DENND5B: variants seen among roughly 807,000 people sequenced by gnomAD.
DENND5B encodes DENN domain-containing protein 5B.
DENND5B carries 34 observed loss-of-function variants against 140.6 expected under a neutral mutation model. The observed-to-expected ratio is 0.24, with a 90% CI of 0.18 to 0.32. DENND5B has a LOEUF of 0.32. Ranked by LOEUF, DENND5B falls within the 10% of genes least tolerant of loss-of-function variation. The pLI is 1.00. For missense variants in DENND5B, 1,142 were observed against 1,560.2 expected (o/e 0.73, Z 4.52); for synonymous variants, 551 against 562.1 (o/e 0.98, Z 0.28).
At chr12:31,548,518 T>A (rs1948938005) in intron 1 of DENND5B, among the ~76,000 whole-genome samples, 1 of 152,172 alleles carries the variant, frequency 6.6e-6, no homozygotes, top group African/African-American at 2.4e-5. Flanking sequence ...CTTGACTACA[T>A]CACAAGACCT....
rs538024926 is a variant in DENND5B at position 31,399,712 on chromosome 12, C to T, written c.3010G>A (p.Ala1004Thr). 3.7e-5 allele frequency: 60 copies of T among 1,614,002 alleles called. No individual in the cohort carries two copies. The East Asian group carries it at 5.6e-4, about 15-fold the overall frequency. ...QIGHDNSGLLAKWLVDCVMVR... is the reference protein window; with the variant it reads ...QIGHDNSGLLTKWLVDCVMVR... ...ATGACACAATCCACTAGCCATTTGG[C>T]TAACAGTCCTGAGTTATCGTGACCA... Residue 1004 changes from alanine (A) to threonine (T), a missense_variant, in exon 16 of 21, where the codon GCC becomes ACC. By Grantham distance (58) the Ala-to-Thr change is moderately conservative (BLOSUM62 0). Around this residue, in one of 5 missense-constraint regions of DENND5B, gnomAD observed 268 missense variants for 349.2 expected, o/e 0.77. Transcript: ENST00000389082.
chr12:31,462,346 CA>C (rs1304170898), intron 3 of DENND5B, among the ~76,000 whole-genome samples: 2 of 81,478 alleles, frequency 2.5e-5, no homozygotes, highest in East Asian at 4.3e-4. Context: ...TCTTTTATCC[CA>C]GGGGCGGGGG....
intron 4 of DENND5B, among the ~76,000 whole-genome samples, chr12:31,458,275 T>C (rs1043393631): frequency 6.6e-6 from 1 of 152,114 alleles, no homozygotes; most frequent in Non-Finnish European, 1.5e-5. Context: ...TTATGAAAAA[T>C]GGAAAGACAA....
intron 1 of DENND5B, among the ~76,000 whole-genome samples, chr12:31,558,961 T>C (rs2139312218): frequency 6.6e-6 from 1 of 152,256 alleles, no homozygotes; most frequent in Non-Finnish European, 1.5e-5. Flanking sequence ...CTTTTTGTAA[T>C]ACGAAAAGAA....
chr12:31,540,891 A>G (rs915944840), intron 1 of DENND5B: 29 of 395,038 alleles, frequency 7.3e-5, no homozygotes, highest in Admixed American at 4.2e-4. Flanking sequence ...GAATGCAGAA[A>G]TAAATCCACA....
intron 1 of DENND5B, among the ~76,000 whole-genome samples, chr12:31,527,661 C>T (rs952771942): frequency 6.6e-6 from 1 of 152,102 alleles, no homozygotes; most frequent in African/African-American, 2.4e-5. Flanking sequence ...ACCTGTAATC[C>T]CAGCTACTCG....
intron 15 of DENND5B, among the ~76,000 whole-genome samples, chr12:31,401,123 G>A (rs1296016815): frequency 2.0e-5 from 3 of 152,090 alleles, no homozygotes; most frequent in Admixed American, 1.3e-4. Flanking sequence ...GATTACAGGC[G>A]TGAGCCACTG....
intron 1 of DENND5B, among the ~76,000 whole-genome samples, chr12:31,563,840 G>GT (rs1338202676): frequency 6.6e-6 from 1 of 152,206 alleles, no homozygotes; most frequent in Non-Finnish European, 1.5e-5. Flanking sequence ...AAGTGGGCCG[G>GT]TTGTGGTGGC....
Position 31,479,943 on chromosome 12 carries a change from C to G in DENND5B, c.550G>C (p.Asp184His). Residue 184 changes from aspartate to histidine, a missense_variant, in exon 3 of 21, where the codon GAC (aspartate) becomes CAC (histidine). Asp to His is a moderately conservative substitution (Grantham distance 81). Transcript: ENST00000389082. ...QRYNSYDISR[D>H]TLYVSKSICL... The stretch of plus-strand genomic sequence containing the variant: ...ATACTTTTTGAAACATACAGGGTGT[C>G]TCTGCTAATATCATAGGAGTTGTAT... The G allele has an allele frequency of 6.2e-7, 1 of 1,613,978 alleles. No homozygotes were observed. The highest frequency in any genetic ancestry group is 8.5e-7 in the Non-Finnish European group (1 of 1,179,880).
chr12:31,586,647 G>A (rs1201434299), intron 1 of DENND5B, among the ~76,000 whole-genome samples: 1 of 152,082 alleles, frequency 6.6e-6, no homozygotes, highest in African/African-American at 2.4e-5. Flanking sequence ...TTATTATAAG[G>A]TCTTAGTCTA....
intron 5 of DENND5B, among the ~76,000 whole-genome samples, chr12:31,451,420 T>C (rs977373475): frequency 3.3e-5 from 5 of 151,784 alleles, no homozygotes; most frequent in Admixed American, 2.6e-4. Context: ...GCCTCCCGGG[T>C]TCAAGCGATT....
chr12:31,389,305 T>TA lies in DENND5B; in HGVS notation c.3641+18dup, dbSNP rs901112447. The stretch of plus-strand genomic sequence containing the variant: ...CAACATGTGACAAAGATAGGGAAAA[T>TA]AAAAAACTGGTTTTGTACCTTGTTC... On this transcript the variant is annotated intron_variant, in intron 20 of 20. Coordinates refer to ENST00000389082, the MANE Select transcript of DENND5B (RefSeq NM_144973.4). 6.2e-7 allele frequency: 1 copy of TA among 1,601,732 alleles called. No homozygotes were observed.
At chr12:31,470,644 G>A (rs950307717) in intron 3 of DENND5B, among the ~76,000 whole-genome samples, 15 of 152,246 alleles carry the variant, frequency 9.9e-5, no homozygotes, top group African/African-American at 3.6e-4. Context: ...GCTGGCATCA[G>A]AAGTGAGGAC....
At chr12:31,541,442 T>C (rs983929894) in intron 1 of DENND5B, among the ~76,000 whole-genome samples, 1 of 152,122 alleles carries the variant, frequency 6.6e-6, no homozygotes, top group African/African-American at 2.4e-5. Flanking sequence ...CAAACAGGTA[T>C]ACGAAAAGCT....
chr12:31,583,816 A>G (rs1677190), intron 1 of DENND5B, among the ~76,000 whole-genome samples: 12,317 of 152,258 alleles, frequency 0.081, 1,142 homozygotes, highest in African/African-American at 0.23. Context: ...AGTGGCCACC[A>G]CTTACGTATG....
intron 1 of DENND5B, chr12:31,535,073 CAAAAAAAAAAAAAAAAAA>C (rs747166398): frequency 1.1e-5 from 1 of 93,378 alleles, no homozygotes; most frequent in Non-Finnish European, 1.7e-5. Context: ...GACTCTGTCT[CAAAAAAAAAAAAAAAAAA>C]AAAAAAAAAA....
At chr12:31,486,732 T>C (rs891639268) in intron 2 of DENND5B, among the ~76,000 whole-genome samples, 34 of 152,224 alleles carry the variant, frequency 2.2e-4, no homozygotes, top group South Asian at 4.1e-4. Context: ...AAATACTTCC[T>C]TACTTCCCTT....
At chr12:31,415,251 C>T (rs1942668227) in intron 12 of DENND5B, 116 bp downstream of exon 12, 1 of 711,572 alleles carries the variant, frequency 1.4e-6, no homozygotes, top group African/African-American at 1.8e-5. Flanking sequence ...ATGCTTTCTT[C>T]AGAATACATA....
intron 13 of DENND5B, among the ~76,000 whole-genome samples, chr12:31,412,919 A>C (rs1038273533): frequency 1.3e-5 from 2 of 152,048 alleles, no homozygotes; most frequent in Non-Finnish European, 2.9e-5. Flanking sequence ...ATTCTGGCAG[A>C]GCAATCCGGC....
Sources: gnomAD v4.1 joint callset for allele counts (sites outside exome capture counted in the v4.1 genomes callset) on GRCh38, gnomAD v4.1.1 for gene constraint, gnomAD v4.1.1 regional missense constraint, MANE v1.5 for transcripts, NCBI Gene and HGNC (gene_info 2026-07-23, HGNC 2026-07-21) for gene names.